ATP11C: variants seen among roughly 807,000 people sequenced by gnomAD.
ATP11C encodes phospholipid-transporting ATPase IG.
ATP11C carries 36 observed loss-of-function variants against 97.4 expected under a neutral mutation model. The ratio of observed to expected loss-of-function variants is 0.37; its 90% CI spans 0.28 to 0.49. The LOEUF (loss-of-function observed/expected upper bound fraction) is 0.49, where lower values mean the gene tolerates loss of function less well. Among genes scored for constraint, ATP11C ranks in the 20% least tolerant of loss-of-function variants. The pLI is 0.98. For missense variants in ATP11C, 730 were observed against 824.6 expected (o/e 0.89, Z 1.40); for synonymous variants, 275 against 290.9 (o/e 0.95, Z 0.56).
At chrX:139,833,803 T>C (rs950494006) in intron 1 of ATP11C, among the ~76,000 whole-genome samples, 2 of 111,628 alleles carry the variant, frequency 1.8e-5, no homozygotes, top group African/African-American at 3.3e-5. Context: ...ATTTTTTTTT[T>C]CTTCAAAATG....
chrX:139,924,099 A>C (rs1461924200), intron 1 of ATP11C: 1 of 378,219 alleles, frequency 2.6e-6, no homozygotes, highest in Admixed American at 2.6e-5. Flanking sequence ...GAATGGGAGC[A>C]GTAACAAAAG....
At chrX:139,751,984 T>C (rs1314695261) in intron 23 of ATP11C, among the ~76,000 whole-genome samples, 1 of 111,755 alleles carries the variant, frequency 8.9e-6, no homozygotes, top group Non-Finnish European at 1.9e-5. Flanking sequence ...TAAAGGTTGC[T>C]ACATTCAGCA....
intron 1 of ATP11C, among the ~76,000 whole-genome samples, chrX:139,862,487 G>T (rs1307588385): frequency 9.0e-6 from 1 of 111,678 alleles, no homozygotes; most frequent in Non-Finnish European, 1.9e-5. Context: ...AATTGAATTA[G>T]AGGACACAGC....
At chrX:139,823,611 T>A (rs2083459362) in intron 2 of ATP11C, among the ~76,000 whole-genome samples, 1 of 111,844 alleles carries the variant, frequency 8.9e-6, no homozygotes, top group African/African-American at 3.3e-5. Context: ...TTTTAATGTG[T>A]CTGAATAACT....
At chrX:139,925,768 T>A (rs1156946800) in intron 1 of ATP11C, among the ~76,000 whole-genome samples, 1 of 111,562 alleles carries the variant, frequency 9.0e-6, no homozygotes, top group Non-Finnish European at 1.9e-5. Flanking sequence ...AACAGCAATA[T>A]CATCAACATC....
intron 23 of ATP11C, among the ~76,000 whole-genome samples, chrX:139,757,187 A>G (rs1191750282): frequency 9.0e-6 from 1 of 110,729 alleles, no homozygotes; most frequent in East Asian, 2.8e-4. Context: ...TTAATTATAA[A>G]ATTTCTGAGT....
intron 1 of ATP11C, among the ~76,000 whole-genome samples, chrX:139,911,671 CCCA>C (rs1159347906): frequency 9.1e-6 from 1 of 110,281 alleles, no homozygotes; most frequent in Non-Finnish European, 1.9e-5. Context: ...ACACACACAC[CCCA>C]CAAGAGAAAT....
Position 139,766,274 on chromosome X carries a change from C to T in ATP11C, c.2391+1986G>A, listed in dbSNP as rs73243379. Among the ~76,000 whole-genome samples, 864 of 111,574 alleles carry T rather than the reference C, an allele frequency of 7.7e-3. 5 individuals carry two copies. Among genetic ancestry groups the T allele is most frequent in the Middle Eastern group, 0.023 (5 of 217 alleles). ...ATGAGGACTAAACCACAAGTGGTGG[C>T]ATAATTAAGGTGGAAGAAGCAGCAT... On this transcript the variant is annotated intron_variant, in intron 20 of 29. Transcript: ENST00000682941.
chrX:139,888,583 A>G (rs545739898), intron 1 of ATP11C, among the ~76,000 whole-genome samples: 5 of 111,903 alleles, frequency 4.5e-5, no homozygotes, highest in Middle Eastern at 4.6e-3. Flanking sequence ...AAGGACAGAC[A>G]ATAACAATAT....
At chrX:139,869,777 GA>G (rs1191618555) in intron 1 of ATP11C, among the ~76,000 whole-genome samples, 1 of 96,262 alleles carries the variant, frequency 1.0e-5, no homozygotes, top group Non-Finnish European at 2.0e-5. Flanking sequence ...CTGGGCGACA[GA>G]GAAACACTCT....
intron 23 of ATP11C, among the ~76,000 whole-genome samples, chrX:139,757,013 A>C (rs1386964073): frequency 2.7e-5 from 3 of 109,792 alleles, no homozygotes; most frequent in Non-Finnish European, 3.8e-5. Flanking sequence ...ATTAGGAAAA[A>C]ATCACTTCCT....
At chrX:139,853,958 T>C (rs947566202) in intron 1 of ATP11C, among the ~76,000 whole-genome samples, 1 of 110,599 alleles carries the variant, frequency 9.0e-6, no homozygotes, top group African/African-American at 3.3e-5. Flanking sequence ...ACGCAGCAGG[T>C]TTCCTAACAG....
In ATP11C at chrX:139,863,830, G is replaced by A. The variant is rs192457052; in HGVS notation, c.28-37007C>T. ...TAATCCCAGCACTGTAGGAGGCTGA[G>A]GTGGGTGGATTGCTTGAGCCTGGGA... On this transcript the variant is annotated intron_variant, in intron 1 of 29. Coordinates refer to ENST00000682941, the MANE Select transcript of ATP11C (RefSeq NM_001353812.2). Among the ~76,000 whole-genome samples, 343 of 111,809 alleles carry A rather than the reference G, an allele frequency of 3.1e-3. 1 individual carries two copies. Among genetic ancestry groups the A allele is most frequent in the Non-Finnish European group, 4.9e-3 (261 of 53,178 alleles).
intron 17 of ATP11C, 89 bp downstream of exon 17, chrX:139,783,075 A>T (rs757107498): frequency 3.1e-6 from 2 of 651,727 alleles, no homozygotes; most frequent in Non-Finnish European, 4.7e-6. Flanking sequence ...AATGTATTTA[A>T]ACTGTCATTT....
At chrX:139,882,815 G>A (rs1253864339) in intron 1 of ATP11C, among the ~76,000 whole-genome samples, 1 of 111,372 alleles carries the variant, frequency 9.0e-6, no homozygotes, top group African/African-American at 3.3e-5. Context: ...ATTCTATACA[G>A]AGAGCTCAGC....
At chrX:139,748,059 A>T (rs73243374) in intron 24 of ATP11C, among the ~76,000 whole-genome samples, 1,531 of 111,905 alleles carry the variant, frequency 0.014, 33 homozygotes, top group East Asian at 0.13. Flanking sequence ...CTTTTTGCAG[A>T]TTTTTCACAT....
At chrX:139,752,222 T>C (rs1418406559) in intron 23 of ATP11C, among the ~76,000 whole-genome samples, 3 of 111,413 alleles carry the variant, frequency 2.7e-5, no homozygotes, top group Non-Finnish European at 3.8e-5. Context: ...TCTATCCCTT[T>C]ATTATGCTTT....
At chrX:139,850,942 CAG>C (rs2083979734) in intron 1 of ATP11C, among the ~76,000 whole-genome samples, 1 of 111,457 alleles carries the variant, frequency 9.0e-6, no homozygotes, top group African/African-American at 3.3e-5. Context: ...AAAAGCACAA[CAG>C]AAAGATTTTT....
In ATP11C at chrX:139,757,796, T is replaced by C; in HGVS notation, c.2700+12A>G. The C allele has an allele frequency of 8.7e-7, 1 of 1,154,129 alleles. No homozygotes were observed. Among genetic ancestry groups the C allele is most frequent in the South Asian group, 2.0e-5 (1 of 49,950 alleles). ...GTAAACTATATTATAACGAATAACT[T>C]GAGAAACAAACCTGTTGTGAGAATC... On this transcript the variant is annotated intron_variant, in intron 23 of 29. Coordinates refer to ENST00000682941, the MANE Select transcript of ATP11C (RefSeq NM_001353812.2).
Sources: allele counts gnomAD v4.1 joint callset (sites outside exome capture counted in the v4.1 genomes callset), GRCh38; gene constraint gnomAD v4.1.1; transcripts MANE v1.5; gene names NCBI Gene and HGNC (gene_info 2026-07-23, HGNC 2026-07-21).